Variants in CMTM4 observed in about 807,000 individuals in gnomAD.
CMTM4 encodes CKLF like MARVEL transmembrane domain containing 4.
CMTM4 carries 8 observed loss-of-function variants against 19.0 expected under a neutral mutation model. The ratio of observed to expected loss-of-function variants is 0.42; its 90% confidence interval spans 0.25 to 0.76. CMTM4 has a LOEUF of 0.76. Ranked by LOEUF, CMTM4 falls within the 30% of genes least tolerant of loss-of-function variation. The pLI, the probability that CMTM4 is intolerant of heterozygous loss-of-function variation, is 0.27. For synonymous variants in CMTM4, 106 were observed against 121.1 expected, an observed-to-expected ratio of 0.88 and a Z score of 0.82; for missense variants, 228 against 290.2, an observed-to-expected ratio of 0.79 and a Z score of 1.56.
chr16:66,611,780 A>G (rs377299222), downstream of CMTM4, among the ~76,000 whole-genome samples: 8 of 152,144 alleles, frequency 5.3e-5, no homozygotes, highest in South Asian at 1.7e-3. Context: ...CTCGAGGTAC[A>G]CCTCATAGGC....
At chr16:66,671,382 C>A (rs1341291194) in intron 1 of CMTM4, among the ~76,000 whole-genome samples, 1 of 152,146 alleles carries the variant, frequency 6.6e-6, no homozygotes, top group Non-Finnish European at 1.5e-5. Flanking sequence ...GAGATGGAAA[C>A]AAAGACGGGA....
rs894485584 is a variant in CMTM4, at chr16:66,696,009, G to A, written c.186+331C>T. Among the ~76,000 whole-genome samples, 3 of 152,222 alleles carry A rather than the reference G, an allele frequency of 2.0e-5. No individual in the cohort carries two copies. Among genetic ancestry groups the A allele is most frequent in the East Asian group, 1.9e-4 (1 of 5,190 alleles). On this transcript the variant is annotated intron_variant, in intron 1 of 3. Transcript: ENST00000394106. The surrounding 1 kb of genome is among the most constrained non-coding windows in gnomAD (Gnocchi z 4.3). ...AGGTTGCTAAGACCAGCTGTACCCA[G>A]GAGACAGCAGGATTCCCAGCAGCAC...
At chr16:66,605,813 T>C in the CMTM4 span, among the ~76,000 whole-genome samples, 1 of 152,162 alleles carries the variant, frequency 6.6e-6, no homozygotes, top group Non-Finnish European at 1.5e-5. The surrounding 1 kb of genome is among the most constrained non-coding windows in gnomAD (Gnocchi z 4.6). Flanking sequence ...AGGGGGATTC[T>C]GCTCCGGGAC....
At chr16:66,612,720 G>A, downstream of CMTM4, 1 of 1,394,234 alleles carries the variant, frequency 7.2e-7, no homozygotes, top group African/African-American at 1.4e-5. The surrounding 1 kb of genome is among the most constrained non-coding windows in gnomAD (Gnocchi z 6.0). Flanking sequence ...TTGGAGCGGA[G>A]GCCTGGACTT....
At chr16:66,673,330 C>A (rs1448916733) in intron 1 of CMTM4, among the ~76,000 whole-genome samples, 1 of 151,698 alleles carries the variant, frequency 6.6e-6, no homozygotes, top group Non-Finnish European at 1.5e-5. Flanking sequence ...ACCTCAGCCT[C>A]CCAAGTAGCT....
At chr16:66,642,797 G>A (rs1567412912) in intron 1 of CMTM4, among the ~76,000 whole-genome samples, 1 of 152,188 alleles carries the variant, frequency 6.6e-6, no homozygotes, top group Non-Finnish European at 1.5e-5. Context: ...AATTATGATT[G>A]GCAGCATCTA....
intron 1 of CMTM4, among the ~76,000 whole-genome samples, chr16:66,667,803 C>T (rs891684776): frequency 6.6e-6 from 1 of 151,970 alleles, no homozygotes; most frequent in Non-Finnish European, 1.5e-5. Context: ...GCAGGAGAAT[C>T]GCTTGAACCA....
At chr16:66,635,942 C>T (rs1022637989) in intron 2 of CMTM4, among the ~76,000 whole-genome samples, 6 of 152,030 alleles carry the variant, frequency 3.9e-5, no homozygotes, top group East Asian at 1.9e-4. Context: ...AACCACCAAA[C>T]CCCCCCAGGT....
chr16:66,682,473 G>C (rs745388564), intron 1 of CMTM4, among the ~76,000 whole-genome samples: 2 of 152,016 alleles, frequency 1.3e-5, no homozygotes, highest in Admixed American at 6.6e-5. Flanking sequence ...CAAAAATGAA[G>C]GCTTCCACTG....
rs534268840 is a variant in CMTM4 at position 66,696,603 on chromosome 16, TCGCCGCCGCCGCCGCCGC to T, written c.-96_-79del. Reference sequence around the variant, plus strand: ...GGGCGGACTCAGCGGGGCCGCCGCATCGCCGCCGCCGCCGCCGCCGCCGCCGCCCGACTGACTGCCCGC... The same window carrying T: ...GGGCGGACTCAGCGGGGCCGCCGCATCGCCGCCGCCCGACTGACTGCCCGC... On this transcript the variant is annotated 5_prime_UTR_variant, in exon 1 of 4. Coordinates refer to ENST00000394106, the MANE Select transcript of CMTM4 (RefSeq NM_181521.3). The surrounding 1 kb of genome is among the most constrained non-coding windows in gnomAD (Gnocchi z 4.3). 6 of 814,828 alleles carry T rather than the reference TCGCCGCCGCCGCCGCCGC, an allele frequency of 7.4e-6. No individual in the cohort carries two copies. The highest frequency in any genetic ancestry group is 3.8e-5 in the African/African-American group (2 of 53,100). 50.5% of individuals were successfully genotyped at this position (814,828 alleles called of 1,614,324 possible). A position where few individuals can be genotyped will look rare whatever the true frequency, so the allele number is the denominator to read the frequency against.
Position 66,620,827 on chromosome 16 carries a change from C to G in CMTM4, c.*1231G>C. 1 of 985,318 alleles carries G rather than the reference C, an allele frequency of 1.0e-6. No individual in the cohort carries two copies. The highest frequency in any genetic ancestry group is 1.2e-6 in the Non-Finnish European group (1 of 829,596). The allele number at this position is 985,318 out of a possible 1,614,324, so 61.0% of individuals were successfully genotyped here. On this transcript the variant is annotated 3_prime_UTR_variant, in exon 4 of 4. Coordinates refer to ENST00000394106, the MANE Select transcript of CMTM4 (RefSeq NM_181521.3). ...TTTCCATAAAAGATATAATTACTCT[C>G]TAATTTTTTAAAAAAACTACTGCAT... is the stretch of plus-strand genomic sequence containing the variant.
At chr16:66,683,172 TATACATATGTATATATATATAC>T (rs1468100266) in intron 1 of CMTM4, among the ~76,000 whole-genome samples, 26 of 83,272 alleles carry the variant, frequency 3.1e-4, no homozygotes, top group African/African-American at 8.9e-4. Context: ...TATATATATA[TATACATATGTATATATATATAC>T]ATATATATAT....
At chr16:66,646,129 G>A (rs2016191836) in intron 1 of CMTM4, among the ~76,000 whole-genome samples, 2 of 152,044 alleles carry the variant, frequency 1.3e-5, no homozygotes, top group African/African-American at 2.4e-5. Context: ...AAAGAACAGA[G>A]TACAGCACAC....
rs2017233587 is a variant in CMTM4, at chr16:66,696,279, CG to C, written c.186+60del. On this transcript the variant is annotated intron_variant, in intron 1 of 3. Transcript: ENST00000394106. This position sits in a 1 kb window ranked among gnomAD's most constrained non-coding sequence, Gnocchi z 4.3. Reference sequence around the variant, plus strand: ...ACGCGGCGGAGGCCCCGCAGCGGGGCGGGGAGGGAGGCGTGCGGCTAGGCCG... The same window carrying C: ...ACGCGGCGGAGGCCCCGCAGCGGGGCGGGAGGGAGGCGTGCGGCTAGGCCG... The C allele has an allele frequency of 8.5e-7, 1 of 1,175,820 alleles. No individual in the cohort carries two copies. The highest frequency in any genetic ancestry group is 1.1e-6 in the Non-Finnish European group (1 of 925,682). The allele number at this position is 1,175,820 out of a possible 1,614,324, so 72.8% of individuals were successfully genotyped here.
rs1297517976 is a variant in CMTM4, at chr16:66,618,250, T to A, written c.*3808A>T. 1.0e-6 allele frequency: 1 copy of A among 985,346 alleles called. No homozygotes were observed. The highest frequency in any genetic ancestry group is 1.2e-6 in the Non-Finnish European group (1 of 829,944). 61.0% of individuals were successfully genotyped at this position (985,346 alleles called of 1,614,324 possible). ...AGCAGCTCTTGGCCTAGAAACTTTT[T>A]CCCCTTTCTGATACCTGTTTAACGT... On this transcript the variant is annotated 3_prime_UTR_variant, in exon 4 of 4. Transcript: ENST00000394106.
intron 2 of CMTM4, among the ~76,000 whole-genome samples, chr16:66,632,760 G>C (rs936081142): frequency 7.2e-5 from 11 of 152,096 alleles, no homozygotes; most frequent in African/African-American, 2.7e-4. Context: ...GGTGGAACAT[G>C]TGAGTGTATG....
rs1256623305 is a variant in CMTM4, at chr16:66,623,423, C to T, written c.443G>A (p.Gly148Glu). Reference sequence around the variant, plus strand: ...GCTTACCACGGCAGCAATTTCTGCTCCGGCTCTATGGTTTAAAGCAGCCAG... The same window carrying T: ...GCTTACCACGGCAGCAATTTCTGCTTCGGCTCTATGGTTTAAAGCAGCCAG... Reference protein sequence around the residue: ...IVLAALNHRAGAEIAAVIFGF... With the variant: ...IVLAALNHRAEAEIAAVIFGF... The change falls in exon 3 of 4, where the codon GGA (glycine) becomes GAA (glutamate). Residue 148 changes from glycine (G) to glutamate (E), a missense_variant. Transcript: ENST00000394106. The T allele has an allele frequency of 6.2e-7, 1 of 1,613,732 alleles. No homozygotes were observed. Among genetic ancestry groups the T allele is most frequent in the Non-Finnish European group, 8.5e-7 (1 of 1,179,860 alleles).
chr16:66,598,324 T>C, the CMTM4 span, among the ~76,000 whole-genome samples: 1 of 152,086 alleles, frequency 6.6e-6, no homozygotes, highest in East Asian at 1.9e-4. Context: ...GGATGGATGG[T>C]GACATCATGA....
chr16:66,689,658 C>T (rs1485264096), intron 1 of CMTM4, among the ~76,000 whole-genome samples: 3 of 152,178 alleles, frequency 2.0e-5, no homozygotes, highest in Non-Finnish European at 2.9e-5. Flanking sequence ...CCACCTGCCT[C>T]GGCCTCCCAA....
Sources: gnomAD v4.1 joint callset for allele counts (sites outside exome capture counted in the v4.1 genomes callset) on GRCh38, gnomAD v4.1.1 for gene constraint, Gnocchi (gnomAD v3.1) non-coding constraint, MANE v1.5 for transcripts, NCBI Gene and HGNC (gene_info 2026-07-23, HGNC 2026-07-21) for gene names.